The following SLC4A10 variants were observed in gnomAD, a reference collection of about 807,000 sequenced individuals.
SLC4A10 encodes solute carrier family 4 member 10, also known as sodium-driven chloride bicarbonate exchanger.
A neutral mutation model predicts 137.7 loss-of-function variants in SLC4A10; 42 were observed. The ratio of observed to expected loss-of-function variants is 0.30; its 90% CI spans 0.24 to 0.39. SLC4A10 has a LOEUF of 0.39. Among genes scored for constraint, SLC4A10 ranks in the 10% least tolerant of loss-of-function variants. The pLI, the probability that SLC4A10 is intolerant of heterozygous loss-of-function variation, is 1.00. For missense variants in SLC4A10, 925 were observed against 1,355.0 expected (o/e 0.68, Z 4.98); for synonymous variants, 474 against 464.1 (o/e 1.02, Z -0.27).
intron 1 of SLC4A10, among the ~76,000 whole-genome samples, chr2:161,760,669 C>T (rs780691732): frequency 7.9e-5 from 12 of 152,066 alleles, no homozygotes; most frequent in Non-Finnish European, 1.6e-4. Context: ...TCAAGTGTCT[C>T]TTTCAGTGGA....
chr2:161,980,165 C>T (rs1034259152), intron 26 of SLC4A10, among the ~76,000 whole-genome samples: 6 of 152,134 alleles, frequency 3.9e-5, no homozygotes, highest in Admixed American at 3.9e-4. Context: ...TCTGGAGGTC[C>T]TTGGCAATGT....
chr2:161,629,910 A>T (rs2033195039), intron 1 of SLC4A10, among the ~76,000 whole-genome samples: 1 of 151,710 alleles, frequency 6.6e-6, no homozygotes, highest in Non-Finnish European at 1.5e-5. Flanking sequence ...CATTGTCTTG[A>T]TGTACTACAG....
chr2:161,660,582 TTCTTTC>T (rs1354074919), intron 1 of SLC4A10, among the ~76,000 whole-genome samples: 8 of 130,974 alleles, frequency 6.1e-5, no homozygotes, highest in African/African-American at 1.9e-4. Context: ...CTTTCTTTCT[TTCTTTC>T]TTTCTTTCTT....
At chr2:161,644,779 A>G (rs1283695962) in intron 1 of SLC4A10, among the ~76,000 whole-genome samples, 3 of 152,216 alleles carry the variant, frequency 2.0e-5, no homozygotes. Context: ...GTAGGTGTTC[A>G]TAAGCTTCTG....
At chr2:161,712,500 C>T (rs1007436368) in intron 1 of SLC4A10, among the ~76,000 whole-genome samples, 10 of 151,552 alleles carry the variant, frequency 6.6e-5, no homozygotes, top group East Asian at 3.9e-4. Context: ...AAAATTTTAC[C>T]GAAAGTCAAA....
intron 1 of SLC4A10, among the ~76,000 whole-genome samples, chr2:161,687,084 T>C (rs2124883110): frequency 6.6e-6 from 1 of 152,296 alleles, no homozygotes; most frequent in East Asian, 1.9e-4. Flanking sequence ...GGTTTTGCCA[T>C]GTTGGCCAGA....
At chr2:161,772,761 A>G (rs184854837) in intron 2 of SLC4A10, among the ~76,000 whole-genome samples, 92 of 152,066 alleles carry the variant, frequency 6.0e-4, no homozygotes, top group African/African-American at 2.1e-3. Flanking sequence ...AATCTGGTTT[A>G]TATTGACGTT....
chr2:161,760,921 C>T (rs1050042779), intron 1 of SLC4A10, among the ~76,000 whole-genome samples: 1 of 151,864 alleles, frequency 6.6e-6, no homozygotes, highest in Non-Finnish European at 1.5e-5. Context: ...TATACACACA[C>T]ACCCCACACA....
intron 1 of SLC4A10, among the ~76,000 whole-genome samples, chr2:161,670,252 CT>C (rs958360466): frequency 2.0e-5 from 3 of 150,426 alleles, no homozygotes; most frequent in South Asian, 2.1e-4. Flanking sequence ...TCTCCCTTTC[CT>C]TTTTTTTCTC....
At chr2:161,699,475 AT>A (rs754787033) in intron 1 of SLC4A10, among the ~76,000 whole-genome samples, 4 of 152,172 alleles carry the variant, frequency 2.6e-5, no homozygotes, top group African/African-American at 9.6e-5. Flanking sequence ...GGCCTGAAAA[AT>A]GTCTTCATTT....
chr2:161,693,903 G>A (rs1489270664), intron 1 of SLC4A10, among the ~76,000 whole-genome samples: 3 of 151,466 alleles, frequency 2.0e-5, no homozygotes, highest in Admixed American at 6.6e-5. Flanking sequence ...TCCATATAAT[G>A]GCCATTATGA....
At chr2:161,718,543 A>G (rs559203481) in intron 1 of SLC4A10, among the ~76,000 whole-genome samples, 4 of 152,130 alleles carry the variant, frequency 2.6e-5, no homozygotes, top group Admixed American at 6.5e-5. Context: ...TTTTTGCCTT[A>G]ATTATTTTAT....
rs1311318566 is a variant in SLC4A10, at chr2:161,984,766, A to G, written c.*1614A>G. On this transcript the variant is annotated 3_prime_UTR_variant, in exon 27 of 27. Coordinates refer to ENST00000446997, the MANE Select transcript of SLC4A10 (RefSeq NM_001178015.2). ...GTTTGTATTTATAAATGCTGAAAAA[A>G]TACAGAAACTTTCTGTTCCAAATGT... 1 of 152,108 alleles carries G rather than the reference A, an allele frequency of 6.6e-6. No homozygotes were observed. Among genetic ancestry groups the G allele is most frequent in the Non-Finnish European group, 1.5e-5 (1 of 67,962 alleles). The allele number at this position is 152,108 out of a possible 1,614,324, so 9.4% of individuals were successfully genotyped here.
At chr2:161,629,189 G>A (rs141400427) in intron 1 of SLC4A10, among the ~76,000 whole-genome samples, 459 of 151,956 alleles carry the variant, frequency 3.0e-3, no homozygotes, top group African/African-American at 0.01. Flanking sequence ...TTCCTGTGAG[G>A]ACACCATTGT....
chr2:161,758,436 G>A (rs746580339), intron 1 of SLC4A10, among the ~76,000 whole-genome samples: 2 of 151,682 alleles, frequency 1.3e-5, no homozygotes, highest in African/African-American at 2.4e-5. Flanking sequence ...CCAATTTGTT[G>A]AATCCATAAG....
In SLC4A10 at chr2:161,680,232, G is replaced by T. The variant is rs139251244; in HGVS notation, c.48+55666G>T. Among the ~76,000 whole-genome samples the T allele has an allele frequency of 1.2e-3, 178 of 152,206 alleles. 1 individual carries two copies. The highest frequency in any genetic ancestry group is 4.0e-3 in the African/African-American group (168 of 41,542). ...TTATTCATTTTCTCTACTGGACTGT[G>T]AACTTATTAAGGGCAAGGTTGCTGT... On this transcript the variant is annotated intron_variant, in intron 1 of 26. Transcript: ENST00000446997.
intron 2 of SLC4A10, among the ~76,000 whole-genome samples, chr2:161,792,743 T>C (rs1478822584): frequency 1.3e-5 from 2 of 152,168 alleles, no homozygotes; most frequent in South Asian, 2.1e-4. Context: ...TAAGTGCTAA[T>C]AGGGTACTGA....
intron 1 of SLC4A10, among the ~76,000 whole-genome samples, chr2:161,654,113 G>A (rs576940485): frequency 6.6e-6 from 1 of 152,180 alleles, no homozygotes; most frequent in Admixed American, 6.5e-5. Context: ...AATTCAATTT[G>A]CATTTCTCTG....
chr2:161,711,122 T>TGCATA (rs541015567), intron 1 of SLC4A10, among the ~76,000 whole-genome samples: 10 of 151,760 alleles, frequency 6.6e-5, no homozygotes, highest in Admixed American at 4.0e-4. Context: ...ACTTTTAGAG[T>TGCATA]GCATAGTTTC....
Sources: allele counts gnomAD v4.1 joint callset (sites outside exome capture counted in the v4.1 genomes callset), GRCh38; gene constraint gnomAD v4.1.1; transcripts MANE v1.5; gene names NCBI Gene and HGNC (gene_info 2026-07-23, HGNC 2026-07-21).